PTPRS: variants seen among roughly 807,000 people sequenced by gnomAD.
PTPRS encodes protein tyrosine phosphatase receptor type S.
PTPRS carries 63 observed loss-of-function variants against 215.3 expected under a neutral mutation model. That is an observed-to-expected ratio of 0.29 (90% CI 0.24 to 0.36). The LOEUF (loss-of-function observed/expected upper bound fraction) is 0.36, where lower values mean the gene tolerates loss of function less well. Among genes scored for constraint, PTPRS ranks in the 10% least tolerant of loss-of-function variants. The pLI is 1.00. For missense variants in PTPRS, 2,258 were observed against 2,825.8 expected (o/e 0.80, Z 4.56); for synonymous variants, 1,404 against 1,191.4 (o/e 1.18, Z -3.68).
Position 5,215,527 on chromosome 19 carries a change from C to T in PTPRS, c.4165G>A (p.Asp1389Asn), listed in dbSNP as rs267605547. The change falls in exon 27 of 38, where the codon GAC becomes AAC. Residue 1389 changes from aspartate to asparagine, a missense_variant. Asp to Asn is a conservative substitution (Grantham distance 23). This residue lies in a region of PTPRS where 927 missense variants were observed against 1,125.9 expected (regional missense o/e 0.82). Coordinates refer to ENST00000262963, the MANE Select transcript of PTPRS (RefSeq NM_002850.4). ...AEHTERLKAN[D>N]SLKLSQEYES... ...TACTCCTGGGAGAGCTTGAGGCTGT[C>T]GTTGGCCTTGAGCCGCTCCGTGTGC... 6 of 1,611,982 alleles carry T rather than the reference C, an allele frequency of 3.7e-6. No individual in the cohort carries two copies. Among genetic ancestry groups the T allele is most frequent in the East Asian group, 2.2e-5 (1 of 44,800 alleles).
intron 1 of PTPRS, among the ~76,000 whole-genome samples, chr19:5,337,443 T>C (rs1200801739): frequency 6.6e-6 from 1 of 152,180 alleles, no homozygotes; most frequent in Non-Finnish European, 1.5e-5. Context: ...AACTATTGTA[T>C]TGGGGCCATG....
chr19:5,277,876 AC>A (rs771155067), intron 2 of PTPRS: 47 of 993,404 alleles, frequency 4.7e-5, no homozygotes, highest in Non-Finnish European at 7.3e-5. Context: ...GGTTCGCAGA[AC>A]GTTCAAGGGC....
chr19:5,313,423 T>A (rs1208422216), intron 1 of PTPRS, among the ~76,000 whole-genome samples: 1 of 152,192 alleles, frequency 6.6e-6, no homozygotes, highest in African/African-American at 2.4e-5. Context: ...ATCCACGCAG[T>A]CAGCACACAC....
At position 5,205,869 on chromosome 19, in the gene PTPRS, T is replaced by TC. The variant is rs1247504473; in HGVS notation, c.*904dup. On this transcript the variant is annotated 3_prime_UTR_variant, in exon 38 of 38. Transcript: ENST00000262963. ...TCATCTCTCTCCTCTTACAGCAGCG[T>TC]CCCCCTCAACCGCACCCAACGCCAC... 6.6e-6 allele frequency among the ~76,000 whole-genome samples: 1 copy of TC among 151,156 alleles called. No individual in the cohort carries two copies. Among genetic ancestry groups the TC allele is most frequent in the Non-Finnish European group, 1.5e-5 (1 of 67,860 alleles).
chr19:5,231,756 T>G, intron 13 of PTPRS, 141 bp from the exon 14 acceptor site: 1 of 269,760 alleles, frequency 3.7e-6, no homozygotes, highest in Non-Finnish European at 7.3e-6. Context: ...CAAAGAGAAG[T>G]CGAACCCAAA....
At chr19:5,245,532 A>G (rs2044409749) in intron 10 of PTPRS, among the ~76,000 whole-genome samples, 1 of 151,722 alleles carries the variant, frequency 6.6e-6, no homozygotes, top group South Asian at 2.1e-4. Flanking sequence ...GGCTCAAGCA[A>G]ACCTCCTGCC....
chr19:5,318,655 T>C (rs1162615067), intron 1 of PTPRS, among the ~76,000 whole-genome samples: 1 of 152,120 alleles, frequency 6.6e-6, no homozygotes, highest in African/African-American at 2.4e-5. Context: ...GTTGTTATTA[T>C]TTGTTTTTAT....
chr19:5,243,821 C>G lies in PTPRS; in HGVS notation c.1570+80G>C, dbSNP rs544071709. 3 of 1,260,794 alleles carry G rather than the reference C, an allele frequency of 2.4e-6. No homozygotes were observed. In the African/African-American group the frequency reaches 4.6e-5, roughly 19 times the overall value. The allele number at this position is 1,260,794 out of a possible 1,614,324, so 78.1% of individuals were successfully genotyped here. A position where few individuals can be genotyped will look rare whatever the true frequency, so the allele number is the denominator to read the frequency against. Reference sequence around the variant, plus strand: ...AAAGCACCGTGCATAACCCACAAACCGCTCTGCGGCTTCCAGGGAGCATGC... The same window carrying G: ...AAAGCACCGTGCATAACCCACAAACGGCTCTGCGGCTTCCAGGGAGCATGC... On this transcript the variant is annotated intron_variant, in intron 11 of 37. Transcript: ENST00000262963.
In PTPRS at chr19:5,221,167, G is replaced by A. The variant is rs746653574; in HGVS notation, c.3288C>T (p.Asn1096=). ...TGCTGCCGCGATTGGTCAGCACAAA[G>A]TTGTAGAAGGTGTGGGGCTTGAGGT... ...ITHLKPHTFY[N]FVLTNRGSSL... is the part of the protein sequence containing the mutation. The change falls in exon 20 of 38, where the codon AAC becomes AAT. Residue 1096 remains asparagine, a synonymous_variant. Coordinates refer to ENST00000262963, the MANE Select transcript of PTPRS (RefSeq NM_002850.4). The A allele has an allele frequency of 6.2e-7, 1 of 1,614,098 alleles. No individual in the cohort carries two copies. The highest frequency in any genetic ancestry group is 8.5e-7 in the Non-Finnish European group (1 of 1,180,012).
At chr19:5,220,477 T>G (rs2041883785) in intron 20 of PTPRS, 124 bp from the exon 21 acceptor site, 2 of 816,668 alleles carry the variant, frequency 2.4e-6, no homozygotes, top group South Asian at 3.2e-5. Context: ...ATGAGCCTAT[T>G]CCCCTATGCC....
intron 13 of PTPRS, among the ~76,000 whole-genome samples, chr19:5,234,557 G>A (rs767109603): frequency 3.3e-5 from 5 of 152,160 alleles, no homozygotes; most frequent in Admixed American, 2.0e-4. Flanking sequence ...GACTGGGTAC[G>A]GTAACAGGTC....
intron 5 of PTPRS, among the ~76,000 whole-genome samples, chr19:5,263,902 C>A (rs987389563): frequency 6.6e-6 from 1 of 152,192 alleles, no homozygotes; most frequent in Non-Finnish European, 1.5e-5. Flanking sequence ...TGCCCACAGG[C>A]GGGAGGCAGG....
At chr19:5,253,440 CATG>C (rs2045309810) in intron 9 of PTPRS, among the ~76,000 whole-genome samples, 1 of 152,234 alleles carries the variant, frequency 6.6e-6, no homozygotes, top group Admixed American at 6.5e-5. Context: ...GCTTTCAGAA[CATG>C]CCAGGTAGCC....
intron 4 of PTPRS, among the ~76,000 whole-genome samples, chr19:5,265,717 G>A (rs1056549664): frequency 1.3e-5 from 2 of 151,678 alleles, no homozygotes; most frequent in Non-Finnish European, 2.9e-5. Context: ...TCACTGGGGG[G>A]TGACTCTGCT....
chr19:5,334,050 G>A (rs1256916616), intron 1 of PTPRS, among the ~76,000 whole-genome samples: 9 of 151,882 alleles, frequency 5.9e-5, no homozygotes, highest in East Asian at 1.9e-4. Flanking sequence ...TGGAGTGCCT[G>A]GAGCTCCCAA....
At chr19:5,308,046 AAG>A (rs774306182) in intron 1 of PTPRS, among the ~76,000 whole-genome samples, 3 of 152,200 alleles carry the variant, frequency 2.0e-5, no homozygotes, top group Non-Finnish European at 1.5e-5. Flanking sequence ...CTACTGGGGA[AAG>A]AGAGAGGGGA....
intron 33 of PTPRS, among the ~76,000 whole-genome samples, chr19:5,211,259 G>C (rs770021708): frequency 6.6e-6 from 1 of 152,278 alleles, no homozygotes; most frequent in Non-Finnish European, 1.5e-5. Context: ...GTGTACTGTA[G>C]GATGCTGAGC....
rs767837276 is a variant in PTPRS at position 5,231,520 on chromosome 19, C to T, written c.1945G>A (p.Gly649Arg). The T allele has an allele frequency of 6.2e-6, 10 of 1,611,748 alleles. No homozygotes were observed. The highest frequency in any genetic ancestry group is 8.5e-6 in the Non-Finnish European group (10 of 1,179,764). ...CGGACGCTGTAGCCCACCAGGGCCC[C>T]GTTGTGCGTTTCCGGCGGCGGCGGG... is the stretch of plus-strand genomic sequence containing the variant. ...WRPPPPETHN[G>R]ALVGYSVRYR... The change falls in exon 14 of 38, where the codon GGG (glycine) becomes AGG (arginine). Residue 649 changes from glycine (G) to arginine (R), a missense_variant. This residue lies in a region of PTPRS where 371 missense variants were observed against 446.7 expected (regional missense o/e 0.83). Coordinates refer to ENST00000262963, the MANE Select transcript of PTPRS (RefSeq NM_002850.4).
intron 22 of PTPRS, 63 bp downstream of exon 22, chr19:5,219,876 G>T (rs2041822538): frequency 6.5e-7 from 1 of 1,543,826 alleles, no homozygotes; most frequent in African/African-American, 1.4e-5. Context: ...AGGGCCCTGG[G>T]GAATGGGGTC....
Sources: gnomAD v4.1 joint callset for allele counts (sites outside exome capture counted in the v4.1 genomes callset) on GRCh38, gnomAD v4.1.1 for gene constraint, gnomAD v4.1.1 regional missense constraint, MANE v1.5 for transcripts, NCBI Gene and HGNC (gene_info 2026-07-23, HGNC 2026-07-21) for gene names.